Variants in GPBP1 observed in about 807,000 individuals in gnomAD.
GPBP1 encodes the protein vasculin.
A neutral mutation model predicts 56.5 loss-of-function variants in GPBP1; 13 were observed. The ratio of observed to expected loss-of-function variants is 0.23; its 90% CI spans 0.15 to 0.37. The LOEUF (loss-of-function observed/expected upper bound fraction) is 0.37. GPBP1 is among the 10% of genes least tolerant of loss of function. The probability of loss-of-function intolerance (pLI) is 1.00; values close to 1 mark genes in which losing one functional copy is unlikely to be tolerated. For synonymous variants in GPBP1, 204 were observed against 188.9 expected (o/e 1.08, Z -0.66); for missense variants, 477 against 572.3 (o/e 0.83, Z 1.70).
At chr5:57,191,252 AT>A (rs1463031592) in intron 2 of GPBP1, among the ~76,000 whole-genome samples, 10 of 151,974 alleles carry the variant, frequency 6.6e-5, no homozygotes, top group Admixed American at 1.3e-4. Context: ...TGACCAGCTA[AT>A]TCAGCTAATT....
At chr5:57,195,959 T>C (rs889767482) in intron 2 of GPBP1, among the ~76,000 whole-genome samples, 3 of 113,592 alleles carry the variant, frequency 2.6e-5, no homozygotes, top group Admixed American at 2.8e-4. Context: ...GCTGAGATCG[T>C]GACAGAGTGA....
chr5:57,244,726 G>GGTTTTTTTT, intron 6 of GPBP1, among the ~76,000 whole-genome samples: 1 of 127,336 alleles, frequency 7.9e-6, no homozygotes. Context: ...CTTTGTTTGA[G>GGTTTTTTTT]ATTTTTTTTT....
rs753385471 is a variant in GPBP1, at chr5:57,231,485, C to T, written c.411+164C>T. Reference sequence around the variant, plus strand: ...ACAGGGTTTCACCAGGTTGGCCAGGCTGGTCTTGAACTCTTGACCTCAGGT... The same window carrying T: ...ACAGGGTTTCACCAGGTTGGCCAGGTTGGTCTTGAACTCTTGACCTCAGGT... On this transcript the variant is annotated intron_variant, in intron 5 of 11. Transcript: ENST00000506184. Among the ~76,000 whole-genome samples, 11 of 152,098 alleles carry T rather than the reference C, an allele frequency of 7.2e-5. No homozygotes were observed. Among genetic ancestry groups the T allele is most frequent in the Non-Finnish European group, 1.5e-4 (10 of 68,012 alleles).
rs1348476470 is a variant in GPBP1, at chr5:57,263,669, T to TA, written c.*918dup. The TA allele has an allele frequency of 1.2e-4, 19 of 152,322 alleles. No homozygotes were observed. Among genetic ancestry groups the TA allele is most frequent in the African/African-American group, 4.6e-4 (19 of 41,580 alleles). 9.4% of individuals were successfully genotyped at this position (152,322 alleles called of 1,614,324 possible). Reference sequence around the variant, plus strand: ...ATGCTTTATTCACTTGTTAAAGTCATACTTTTAAAAGTAATACCTTACTAA... The same window carrying TA: ...ATGCTTTATTCACTTGTTAAAGTCATAACTTTTAAAAGTAATACCTTACTAA... On this transcript the variant is annotated 3_prime_UTR_variant, in exon 12 of 12. Coordinates refer to ENST00000506184, the MANE Select transcript of GPBP1 (RefSeq NM_022913.4).
intron 3 of GPBP1, among the ~76,000 whole-genome samples, chr5:57,222,869 G>T (rs970176973): frequency 6.6e-6 from 1 of 152,008 alleles, no homozygotes; most frequent in African/African-American, 2.4e-5. Flanking sequence ...TCATTTTTAC[G>T]TTTTTGTGAA....
chr5:57,197,951 G>A (rs1253606647), intron 2 of GPBP1, among the ~76,000 whole-genome samples: 1 of 152,088 alleles, frequency 6.6e-6, no homozygotes. Flanking sequence ...GGCTGTCAAT[G>A]TTCTAGGACC....
Position 57,230,855 on chromosome 5 carries a change from A to G in GPBP1, c.73A>G (p.Asn25Asp). ...TPPSSTKSSL[N>D]FEKHSENFAW... ...TTATAATTTGTTTCAGTCGTCATTG[A>G]ATTTTGAGAAGCATTCTGAAAACTT... The change falls in exon 4 of 12, where the codon AAT becomes GAT. Residue 25 changes from asparagine (N) to aspartate (D), a missense_variant. Physicochemically the swap from Asn to Asp is conservative, Grantham distance 23. Transcript: ENST00000506184. 6.2e-7 allele frequency: 1 copy of G among 1,604,528 alleles called. No individual in the cohort carries two copies. Among genetic ancestry groups the G allele is most frequent in the South Asian group, 1.1e-5 (1 of 88,438 alleles).
chr5:57,261,117 G>T, intron 10 of GPBP1, 63 bp from the exon 11 acceptor site: 1 of 1,010,582 alleles, frequency 9.9e-7, no homozygotes, highest in Non-Finnish European at 1.6e-6. Context: ...TATACATAAT[G>T]TAAATGATAC....
chr5:57,221,672 A>G (rs1245771149), intron 3 of GPBP1, among the ~76,000 whole-genome samples: 1 of 152,194 alleles, frequency 6.6e-6, no homozygotes, highest in Non-Finnish European at 1.5e-5. Flanking sequence ...AATAATCTGT[A>G]GTTTTCTCTG....
At chr5:57,187,035 T>C (rs998492727) in intron 2 of GPBP1, among the ~76,000 whole-genome samples, 2 of 151,786 alleles carry the variant, frequency 1.3e-5, no homozygotes, top group African/African-American at 4.8e-5. Context: ...TGTGTGTGTG[T>C]GTGTATGTAT....
chr5:57,196,008 T>TAAAAAAAA (rs1561330293), intron 2 of GPBP1, among the ~76,000 whole-genome samples: 4 of 53,968 alleles, frequency 7.4e-5, no homozygotes, highest in South Asian at 5.8e-4. Context: ...AAAAAAAAAT[T>TAAAAAAAA]TTTTTTTTTT....
At position 57,180,982 on chromosome 5, in the gene GPBP1, TC is replaced by T. The variant is rs762673622; in HGVS notation, c.-58+4584del. Among the ~76,000 whole-genome samples the T allele has an allele frequency of 5.9e-5, 9 of 152,304 alleles. 1 individual carries two copies. The highest frequency in any genetic ancestry group is 7.3e-5 in the Non-Finnish European group (5 of 68,036). On this transcript the variant is annotated intron_variant, in intron 2 of 11. Transcript: ENST00000506184. ...GTCTCCAACTCCTGATCTCAGGTGA[TC>T]CACCCACCTCAACAAATTTAAATAT...
At position 57,231,874 on chromosome 5, in the gene GPBP1, T is replaced by C. The variant is rs555907787; in HGVS notation, c.411+553T>C. ...AGCAAGTAATATTTTGTAGTGAATTTAGACAGGAAGTGACATTTAATTTGG... is the reference window on the plus strand; with the variant it reads ...AGCAAGTAATATTTTGTAGTGAATTCAGACAGGAAGTGACATTTAATTTGG... On this transcript the variant is annotated intron_variant, in intron 5 of 11. Coordinates refer to ENST00000506184, the MANE Select transcript of GPBP1 (RefSeq NM_022913.4). Among the ~76,000 whole-genome samples the C allele has an allele frequency of 1.7e-3, 258 of 152,348 alleles. 3 individuals are homozygous for C. Among genetic ancestry groups the C allele is most frequent in the Admixed American group, 0.013 (204 of 15,306 alleles).
intron 3 of GPBP1, among the ~76,000 whole-genome samples, chr5:57,221,616 TGTG>T (rs918955090): frequency 2.0e-5 from 3 of 152,164 alleles, no homozygotes; most frequent in Non-Finnish European, 2.9e-5. Flanking sequence ...AAACAAAAAA[TGTG>T]GTGGAACTTT....
At chr5:57,260,957 C>T (rs1057089005) in intron 10 of GPBP1, among the ~76,000 whole-genome samples, 1 of 152,154 alleles carries the variant, frequency 6.6e-6, no homozygotes, top group African/African-American at 2.4e-5. Context: ...AAGGATTAAG[C>T]AGTCAAGGAG....
intron 3 of GPBP1, among the ~76,000 whole-genome samples, chr5:57,222,270 A>G (rs761252605): frequency 6.6e-6 from 1 of 152,156 alleles, no homozygotes; most frequent in Non-Finnish European, 1.5e-5. Flanking sequence ...AAGATGGTAG[A>G]CACTCTTATC....
chr5:57,220,732 T>G (rs1755921734), intron 3 of GPBP1, among the ~76,000 whole-genome samples: 1 of 152,164 alleles, frequency 6.6e-6, no homozygotes, highest in African/African-American at 2.4e-5. Flanking sequence ...AGTGCTAGGA[T>G]TACAGGCACG....
intron 2 of GPBP1, among the ~76,000 whole-genome samples, chr5:57,206,047 C>T (rs558589986): frequency 6.6e-6 from 1 of 152,090 alleles, no homozygotes; most frequent in South Asian, 2.1e-4. Context: ...ATTACAGGCA[C>T]AAGCCATTGC....
intron 2 of GPBP1, among the ~76,000 whole-genome samples, chr5:57,201,219 C>A (rs1755006996): frequency 2.0e-5 from 3 of 152,082 alleles, no homozygotes; most frequent in Admixed American, 1.3e-4. Flanking sequence ...GCTCTGTTGC[C>A]CAGGCTCGTG....
Sources: allele counts gnomAD v4.1 joint callset (sites outside exome capture counted in the v4.1 genomes callset), GRCh38; gene constraint gnomAD v4.1.1; transcripts MANE v1.5; gene names NCBI Gene and HGNC (gene_info 2026-07-23, HGNC 2026-07-21).